Variants in EMP1 observed in about 807,000 individuals in gnomAD.
The protein encoded by EMP1 is tumor-associated membrane protein.
Under a neutral mutation model 15.7 loss-of-function variants are expected in EMP1, and 5 were observed. The observed-to-expected ratio is 0.32, with a 90% CI of 0.17 to 0.67. EMP1 has a LOEUF of 0.67. EMP1 is among the 30% of genes least tolerant of loss of function. EMP1 has a pLI of 0.74. For missense variants in EMP1, 166 were observed against 194.2 expected (o/e 0.85, Z 0.86); for synonymous variants, 78 against 76.7 (o/e 1.02, Z -0.09).
At position 13,218,749 on chromosome 12, in the gene EMP1, C is replaced by T. The variant is rs1864235628; in HGVS notation, c.*4058C>T. The T allele has an allele frequency of 6.6e-6, 1 of 152,126 alleles. No individual in the cohort carries two copies. The highest frequency in any genetic ancestry group is 1.5e-5 in the Non-Finnish European group (1 of 68,018). The allele number at this position is 152,126 out of a possible 1,614,324, so 9.4% of individuals were successfully genotyped here. On this transcript the variant is annotated 3_prime_UTR_variant, in exon 5 of 5. Transcript: ENST00000256951. ...ACCATCAAGACCTATAATTGATAAA[C>T]AACTAGGGGCTGGGTGCTGCACCTA...
At chr12:13,199,940 T>G (rs545600757) in intron 1 of EMP1, among the ~76,000 whole-genome samples, 1 of 151,208 alleles carries the variant, frequency 6.6e-6, no homozygotes, top group East Asian at 2.0e-4. Flanking sequence ...CATTGCATTA[T>G]CTTTTCTTCT....
At chr12:13,198,941 AT>A (rs1399471129) in intron 1 of EMP1, among the ~76,000 whole-genome samples, 24 of 143,170 alleles carry the variant, frequency 1.7e-4, no homozygotes, top group Admixed American at 1.1e-3. Flanking sequence ...TGTGAGGGTT[AT>A]TTTTCCCCCC....
At chr12:13,212,959 T>A (rs924188489) in intron 2 of EMP1, among the ~76,000 whole-genome samples, 1 of 152,246 alleles carries the variant, frequency 6.6e-6, no homozygotes, top group Non-Finnish European at 1.5e-5. Flanking sequence ...ACAGTCAAGT[T>A]TGATCCTTCT....
Position 13,218,293 on chromosome 12 carries a change from A to C in EMP1, c.*3602A>C, listed in dbSNP as rs1055020081. The C allele has an allele frequency of 6.6e-6, 1 of 152,244 alleles. No individual in the cohort carries two copies. The highest frequency in any genetic ancestry group is 2.4e-5 in the African/African-American group (1 of 41,458). The allele number at this position is 152,244 out of a possible 1,614,324, so 9.4% of individuals were successfully genotyped here. A position where few individuals can be genotyped will look rare whatever the true frequency, so the allele number is the denominator to read the frequency against. Reference sequence around the variant, plus strand: ...AGGCCTTGAAAGAAGGCATATGAAGACCAAAAGGATATTGAGCAGGGTTCC... The same window carrying C: ...AGGCCTTGAAAGAAGGCATATGAAGCCCAAAAGGATATTGAGCAGGGTTCC... On this transcript the variant is annotated 3_prime_UTR_variant, in exon 5 of 5. Transcript: ENST00000256951.
intron 1 of EMP1, among the ~76,000 whole-genome samples, chr12:13,200,689 C>T (rs1864057758): frequency 6.6e-6 from 1 of 152,180 alleles, no homozygotes; most frequent in Non-Finnish European, 1.5e-5. Context: ...CTTCAATTTA[C>T]CTGGGAGATT....
intron 1 of EMP1, among the ~76,000 whole-genome samples, chr12:13,210,477 G>A (rs1317770150): frequency 6.6e-6 from 1 of 152,184 alleles, no homozygotes; most frequent in Non-Finnish European, 1.5e-5. Context: ...TAGGCTTTAT[G>A]ATCAATGGGC....
chr12:13,203,598 G>A (rs1267863453), intron 1 of EMP1, among the ~76,000 whole-genome samples: 2 of 152,236 alleles, frequency 1.3e-5, no homozygotes, highest in Non-Finnish European at 2.9e-5. Context: ...TCCCCGGCCC[G>A]AGCCTCTCAT....
intron 1 of EMP1, chr12:13,199,570 A>C (rs1864045259): frequency 6.6e-6 from 1 of 152,258 alleles, no homozygotes; most frequent in Non-Finnish European, 1.5e-5. Context: ...TTTCGTTCAC[A>C]GAATTCTAAA....
chr12:13,214,344 C>T (rs1330270582), intron 4 of EMP1, 190 bp from the exon 5 acceptor site: 1 of 730,192 alleles, frequency 1.4e-6, no homozygotes, highest in Non-Finnish European at 2.2e-6. Context: ...AGCCCAGACA[C>T]CTCTAATTTA....
chr12:13,206,220 CA>C (rs1474005046), intron 1 of EMP1, among the ~76,000 whole-genome samples: 1 of 152,178 alleles, frequency 6.6e-6, no homozygotes. Flanking sequence ...GGACATTTGG[CA>C]GTGGTCATTA....
chr12:13,203,749 G>T (rs540042759), intron 1 of EMP1, among the ~76,000 whole-genome samples: 8 of 152,250 alleles, frequency 5.3e-5, no homozygotes, highest in Non-Finnish European at 7.3e-5. Context: ...TTGGAGCTGA[G>T]AATCCCTGCT....
At chr12:13,204,143 C>T (rs999622956) in intron 1 of EMP1, among the ~76,000 whole-genome samples, 1 of 152,186 alleles carries the variant, frequency 6.6e-6, no homozygotes, top group African/African-American at 2.4e-5. Context: ...TTTCCAACAT[C>T]AAGTCCTACC....
chr12:13,211,735 C>A lies in EMP1; in HGVS notation c.78+147C>A. 1.3e-6 allele frequency: 1 copy of A among 794,014 alleles called. No individual in the cohort carries two copies. Among genetic ancestry groups the A allele is most frequent in the Admixed American group, 2.4e-5 (1 of 41,454 alleles). 49.2% of individuals were successfully genotyped at this position (794,014 alleles called of 1,614,324 possible). A position where few individuals can be genotyped will look rare whatever the true frequency, so the allele number is the denominator to read the frequency against. ...AAAACAAAATAAACACACGCTTGCC[C>A]TTCAAACAATTAAATAACAGGAGGA... is the stretch of plus-strand genomic sequence containing the variant. On this transcript the variant is annotated intron_variant, in intron 2 of 4. Coordinates refer to ENST00000256951, the MANE Select transcript of EMP1 (RefSeq NM_001423.3). The surrounding 1 kb of genome is among the most constrained non-coding windows in gnomAD (Gnocchi z 4.7).
At chr12:13,209,495 G>A (rs969186233) in intron 1 of EMP1, 6 of 152,184 alleles carry the variant, frequency 3.9e-5, no homozygotes, top group African/African-American at 9.7e-5. Context: ...TAGCGATTGA[G>A]TAACTGGGTT....
chr12:13,213,035 C>G (rs768120143), intron 2 of EMP1, among the ~76,000 whole-genome samples: 1 of 152,202 alleles, frequency 6.6e-6, no homozygotes, highest in Non-Finnish European at 1.5e-5. Context: ...TCTTATGTTT[C>G]TTAATTGTTT....
At chr12:13,209,912 C>T (rs529704542) in intron 1 of EMP1, among the ~76,000 whole-genome samples, 1 of 152,268 alleles carries the variant, frequency 6.6e-6, no homozygotes, top group East Asian at 1.9e-4. Flanking sequence ...ATAATTTTTG[C>T]ATTCACAGTT....
chr12:13,207,181 G>C (rs1433410056), intron 1 of EMP1, among the ~76,000 whole-genome samples: 1 of 152,014 alleles, frequency 6.6e-6, no homozygotes, highest in African/African-American at 2.4e-5. Context: ...GAGCGATCTT[G>C]GCTTTTTGCA....
chr12:13,204,684 G>A (rs532127607), intron 1 of EMP1, among the ~76,000 whole-genome samples: 2 of 152,180 alleles, frequency 1.3e-5, no homozygotes, highest in African/African-American at 2.4e-5. Context: ...GACCAGAAGC[G>A]GCTACGCCTC....
intron 1 of EMP1, among the ~76,000 whole-genome samples, chr12:13,204,582 C>CT (rs771999233): frequency 6.6e-6 from 1 of 152,146 alleles, no homozygotes; most frequent in Non-Finnish European, 1.5e-5. Flanking sequence ...TGCCACCCTG[C>CT]GTGGTGTCTT....
Sources: gnomAD v4.1 joint callset for allele counts (sites outside exome capture counted in the v4.1 genomes callset) on GRCh38, gnomAD v4.1.1 for gene constraint, Gnocchi (gnomAD v3.1) non-coding constraint, MANE v1.5 for transcripts, NCBI Gene and HGNC (gene_info 2026-07-23, HGNC 2026-07-21) for gene names.